TACC2: variants seen among roughly 807,000 people sequenced by gnomAD.
TACC2 encodes transforming acidic coiled-coil containing protein 2.
In TACC2, 137 loss-of-function variants were observed where a neutral mutation model predicts 227.3. The observed-to-expected ratio is 0.60, with a 90% CI of 0.52 to 0.69. The LOEUF is 0.69. Ranked by LOEUF, TACC2 falls within the 30% of genes least tolerant of loss-of-function variation. The pLI is 0.00. For synonymous variants in TACC2, 1,523 were observed against 1,487.5 expected (o/e 1.02, Z -0.55); for missense variants, 3,470 against 3,694.4 (o/e 0.94, Z 1.57).
intron 7 of TACC2, among the ~76,000 whole-genome samples, chr10:122,178,952 C>T (rs1474810003): frequency 3.9e-5 from 6 of 152,154 alleles, no homozygotes; most frequent in African/African-American, 1.4e-4. Flanking sequence ...AAACCAGAAG[C>T]ATGACTTTTA....
intron 22 of TACC2, among the ~76,000 whole-genome samples, chr10:122,253,167 A>G (rs1457600137): frequency 6.6e-6 from 1 of 152,218 alleles, no homozygotes; most frequent in East Asian, 1.9e-4. Flanking sequence ...CTGATCTTCC[A>G]TGGGAATCTC....
chr10:122,231,622 G>C (rs1589792249), intron 16 of TACC2, among the ~76,000 whole-genome samples: 1 of 152,348 alleles, frequency 6.6e-6, no homozygotes, highest in South Asian at 2.1e-4. Flanking sequence ...ACAGATGGGA[G>C]ATGGAGCCAC....
intron 9 of TACC2, chr10:122,213,272 T>G: frequency 7.4e-6 from 11 of 1,495,194 alleles, no homozygotes; most frequent in African/African-American, 1.4e-5. Flanking sequence ...AATAACCAGT[T>G]GTCTGCAGAT....
chr10:122,171,051 T>TGAGCAATAGATTA (rs1305453179), intron 7 of TACC2, among the ~76,000 whole-genome samples: 3 of 42,344 alleles, frequency 7.1e-5, no homozygotes, highest in African/African-American at 5.3e-4. Flanking sequence ...GCAATAGATT[T>TGAGCAATAGATTA]CCTTTGTTCC....
At chr10:122,152,191 C>T (rs2092111217) in intron 7 of TACC2, among the ~76,000 whole-genome samples, 1 of 152,212 alleles carries the variant, frequency 6.6e-6, no homozygotes, top group Non-Finnish European at 1.5e-5. Flanking sequence ...CTGCTCCCAT[C>T]TCTGTCTAAA....
Position 122,050,596 on chromosome 10 carries a change from C to A in TACC2, c.146+46C>A, listed in dbSNP as rs764608403. 1 of 1,447,544 alleles carries A rather than the reference C, an allele frequency of 6.9e-7. No homozygotes were observed. The highest frequency in any genetic ancestry group is 1.8e-5 in the Admixed American group (1 of 57,092). The allele number at this position is 1,447,544 out of a possible 1,614,324, so 89.7% of individuals were successfully genotyped here. Reference sequence around the variant, plus strand: ...GACTGATGCAGCCCAAGGACTGCCCCGCTCATTGCCTGCTCCAGCATTAGC... The same window carrying A: ...GACTGATGCAGCCCAAGGACTGCCCAGCTCATTGCCTGCTCCAGCATTAGC... On this transcript the variant is annotated intron_variant, in intron 3 of 22. Transcript: ENST00000369005. The surrounding 1 kb of genome is among the most constrained non-coding windows in gnomAD (Gnocchi z 4.6).
chr10:122,227,481 A>C (rs923728987), intron 13 of TACC2, among the ~76,000 whole-genome samples: 1 of 152,238 alleles, frequency 6.6e-6, no homozygotes. Flanking sequence ...CTTTACAGGC[A>C]TGCAGCATCT....
At chr10:122,159,166 G>T (rs1313791528) in intron 7 of TACC2, among the ~76,000 whole-genome samples, 1 of 152,214 alleles carries the variant, frequency 6.6e-6, no homozygotes, top group Non-Finnish European at 1.5e-5. Flanking sequence ...GGAGGGGGCA[G>T]CTCCTCAGCA....
chr10:122,203,497 C>G (rs1304692291), intron 8 of TACC2, among the ~76,000 whole-genome samples: 2 of 151,652 alleles, frequency 1.3e-5, no homozygotes, highest in Non-Finnish European at 2.9e-5. Context: ...GGCTGCCGGG[C>G]GGAGGGGCTC....
chr10:122,012,743 C>T (rs1345536317), intron 1 of TACC2, among the ~76,000 whole-genome samples: 2 of 152,024 alleles, frequency 1.3e-5, no homozygotes, highest in Admixed American at 6.6e-5. Context: ...GAGGAGGAGC[C>T]CCACAGAAGT....
intron 13 of TACC2, among the ~76,000 whole-genome samples, chr10:122,227,266 CAAGT>C (rs1218932905): frequency 6.6e-6 from 1 of 152,152 alleles, no homozygotes; most frequent in Non-Finnish European, 1.5e-5. Context: ...ATTGTTTGAT[CAAGT>C]AAGTGTGGGC....
intron 2 of TACC2, chr10:122,033,079 C>T: frequency 7.8e-7 from 1 of 1,288,202 alleles, no homozygotes. Flanking sequence ...ACGGTGAGAT[C>T]CCTTTGCATT....
chr10:122,240,760 G>A (rs1297403319), intron 18 of TACC2, among the ~76,000 whole-genome samples: 1 of 152,182 alleles, frequency 6.6e-6, no homozygotes, highest in Non-Finnish European at 1.5e-5. Flanking sequence ...GGATAATGTA[G>A]GTGAACCCCT....
intron 7 of TACC2, chr10:122,164,026 C>A: frequency 6.4e-7 from 1 of 1,560,078 alleles, no homozygotes; most frequent in Non-Finnish European, 8.7e-7. Context: ...CCGAGTCTCC[C>A]GGGGAGGAGG....
intron 5 of TACC2, among the ~76,000 whole-genome samples, chr10:122,111,654 C>CTTT (rs1160731956): frequency 8.1e-6 from 1 of 123,196 alleles, no homozygotes; most frequent in Non-Finnish European, 1.8e-5. Context: ...TCATGCCCAG[C>CTTT]TATTTTTTTT....
At chr10:122,213,380 A>G in intron 9 of TACC2, 1 of 1,612,244 alleles carries the variant, frequency 6.2e-7, no homozygotes, top group South Asian at 1.1e-5. Flanking sequence ...TCTCTGTTGT[A>G]AGTAAATTTA....
At chr10:122,122,916 A>G (rs1002559060) in intron 5 of TACC2, among the ~76,000 whole-genome samples, 9 of 152,344 alleles carry the variant, frequency 5.9e-5, no homozygotes, top group African/African-American at 2.2e-4. Flanking sequence ...ATCACCAAAA[A>G]TAAAATCAGC....
chr10:122,194,494 G>A lies in TACC2; in HGVS notation c.5835-546G>A, dbSNP rs574279909. ...CCCACTCAACACATGTTCATTCCCG[G>A]CCCTCCACTGTAGGCTTGGAGATAC... is the stretch of plus-strand genomic sequence containing the variant. On this transcript the variant is annotated intron_variant, in intron 7 of 22. Transcript: ENST00000369005. The surrounding 1 kb of genome is among the most constrained non-coding windows in gnomAD (Gnocchi z 4.4). Among the ~76,000 whole-genome samples, 1 of 152,284 alleles carries A rather than the reference G, an allele frequency of 6.6e-6. No homozygotes were observed. Among genetic ancestry groups the A allele is most frequent in the South Asian group, 2.1e-4 (1 of 4,824 alleles).
At chr10:122,130,521 ATCC>A in intron 5 of TACC2, among the ~76,000 whole-genome samples, 1 of 151,796 alleles carries the variant, frequency 6.6e-6, no homozygotes, top group East Asian at 1.9e-4. Flanking sequence ...GCTTCAACTG[ATCC>A]TCCAGCCTCA....
Sources: gnomAD v4.1 joint callset for allele counts (sites outside exome capture counted in the v4.1 genomes callset) on GRCh38, gnomAD v4.1.1 for gene constraint, Gnocchi (gnomAD v3.1) non-coding constraint, MANE v1.5 for transcripts, NCBI Gene and HGNC (gene_info 2026-07-23, HGNC 2026-07-21) for gene names.